The following RFTN1 variants were observed in gnomAD, a reference collection of about 807,000 sequenced individuals.
RFTN1 encodes raftlin.
In RFTN1, 26 loss-of-function variants were observed where a neutral mutation model predicts 46.5. That is an observed-to-expected ratio of 0.56 (90% CI 0.41 to 0.78). The LOEUF is 0.78. Among genes scored for constraint, RFTN1 ranks in the 30% least tolerant of loss-of-function variants. RFTN1 has a pLI of 0.00. For missense variants in RFTN1, 693 were observed against 718.7 expected (o/e 0.96, Z 0.41); for synonymous variants, 261 against 284.2 (o/e 0.92, Z 0.82).
Position 16,351,867 on chromosome 3 carries a change from G to T in RFTN1, c.1146+6065C>A, listed in dbSNP as rs1014333855. Reference sequence around the variant, plus strand: ...GAATTAGGGGTGTGTTGGGTGAGGGGACTAGAAAGACTAGAAAAAAAAATC... The same window carrying T: ...GAATTAGGGGTGTGTTGGGTGAGGGTACTAGAAAGACTAGAAAAAAAAATC... On this transcript the variant is annotated intron_variant, in intron 7 of 9. Coordinates refer to ENST00000334133, the MANE Select transcript of RFTN1 (RefSeq NM_015150.2). This position sits in a 1 kb window ranked among gnomAD's most constrained non-coding sequence, Gnocchi z 5.4. 1.3e-5 allele frequency among the ~76,000 whole-genome samples: 2 copies of T among 151,620 alleles called. No homozygotes were observed. The highest frequency in any genetic ancestry group is 4.9e-5 in the African/African-American group (2 of 40,954).
At chr3:16,488,056 C>A (rs901574654) in intron 2 of RFTN1, among the ~76,000 whole-genome samples, 1 of 151,196 alleles carries the variant, frequency 6.6e-6, no homozygotes. Flanking sequence ...CAGCACTGAG[C>A]TTTAAGCAAG....
intron 7 of RFTN1, chr3:16,347,480 A>C (rs1193019693): frequency 6.6e-6 from 1 of 152,240 alleles, no homozygotes; most frequent in South Asian, 2.1e-4. Flanking sequence ...TTCCAGCACT[A>C]GTGGCTGCTG....
At position 16,382,518 on chromosome 3, in the gene RFTN1, C is replaced by T. The variant is rs1022075521; in HGVS notation, c.442-4416G>A. 1.3e-5 allele frequency among the ~76,000 whole-genome samples: 2 copies of T among 152,204 alleles called. No homozygotes were observed. Among genetic ancestry groups the T allele is most frequent in the African/African-American group, 4.8e-5 (2 of 41,446 alleles). On this transcript the variant is annotated intron_variant, in intron 4 of 9. Coordinates refer to ENST00000334133, the MANE Select transcript of RFTN1 (RefSeq NM_015150.2). This position sits in a 1 kb window ranked among gnomAD's most constrained non-coding sequence, Gnocchi z 4.7. ...GCTGCCAGCTCTCCTCCACTCTACA[C>T]TCCCCTTGGTGACTTCCTCTACTCA...
intron 5 of RFTN1, among the ~76,000 whole-genome samples, chr3:16,371,254 G>C (rs1358887278): frequency 5.3e-5 from 8 of 152,198 alleles, no homozygotes; most frequent in Non-Finnish European, 1.2e-4. Context: ...ACATTAGCAA[G>C]AAGGACAAAG....
chr3:16,333,676 A>G (rs1306024341), intron 7 of RFTN1, among the ~76,000 whole-genome samples: 1 of 152,152 alleles, frequency 6.6e-6, no homozygotes, highest in Admixed American at 6.5e-5. Context: ...AACTCATATG[A>G]TATAAAAGAC....
At chr3:16,358,893 G>A (rs1018657572) in intron 6 of RFTN1, among the ~76,000 whole-genome samples, 11 of 151,870 alleles carry the variant, frequency 7.2e-5, no homozygotes, top group African/African-American at 1.7e-4. Context: ...TTAGCTGGGC[G>A]TGGCAGGGTA....
chr3:16,353,025 T>C lies in RFTN1; in HGVS notation c.1146+4907A>G, dbSNP rs1246008615. On this transcript the variant is annotated intron_variant, in intron 7 of 9. Coordinates refer to ENST00000334133, the MANE Select transcript of RFTN1 (RefSeq NM_015150.2). This position sits in a 1 kb window ranked among gnomAD's most constrained non-coding sequence, Gnocchi z 5.4. ...TTGGAATGGCACATCTACACAGAGC[T>C]GAGGGATCAGCACAGGAGGAGGAAA... 1.3e-5 allele frequency among the ~76,000 whole-genome samples: 2 copies of C among 151,778 alleles called. No individual in the cohort carries two copies. The highest frequency in any genetic ancestry group is 2.9e-5 in the Non-Finnish European group (2 of 67,958).
intron 2 of RFTN1, among the ~76,000 whole-genome samples, chr3:16,436,912 A>G (rs2075527701): frequency 6.6e-6 from 1 of 152,182 alleles, no homozygotes; most frequent in Non-Finnish European, 1.5e-5. Flanking sequence ...TTTCTAAATG[A>G]TCTTTAAAAA....
chr3:16,492,874 A>T (rs2076561354), intron 2 of RFTN1, among the ~76,000 whole-genome samples: 1 of 152,226 alleles, frequency 6.6e-6, no homozygotes, highest in Non-Finnish European at 1.5e-5. Context: ...CTCTGCACAC[A>T]GCAGGTGCTC....
intron 7 of RFTN1, chr3:16,350,187 A>G (rs2125316418): frequency 6.6e-6 from 1 of 152,328 alleles, no homozygotes. Context: ...AATTCCTTCC[A>G]TGTCAGCTTA....
In RFTN1 at chr3:16,447,108, A is replaced by C. The variant is rs2075746293; in HGVS notation, c.146-13071T>G. Reference sequence around the variant, plus strand: ...CACACCAGCAAATTCCTATCAGTGGATTCTCCTTTTCCTCACTGTAGTGTA... The same window carrying C: ...CACACCAGCAAATTCCTATCAGTGGCTTCTCCTTTTCCTCACTGTAGTGTA... On this transcript the variant is annotated intron_variant, in intron 2 of 9. Coordinates refer to ENST00000334133, the MANE Select transcript of RFTN1 (RefSeq NM_015150.2). The surrounding 1 kb of genome is among the most constrained non-coding windows in gnomAD (Gnocchi z 5.9). Among the ~76,000 whole-genome samples the C allele has an allele frequency of 6.6e-6, 1 of 152,194 alleles. No homozygotes were observed. Among genetic ancestry groups the C allele is most frequent in the South Asian group, 2.1e-4 (1 of 4,832 alleles).
At chr3:16,354,699 G>A (rs1037520360) in intron 7 of RFTN1, among the ~76,000 whole-genome samples, 1 of 152,240 alleles carries the variant, frequency 6.6e-6, no homozygotes, top group Non-Finnish European at 1.5e-5. Context: ...TCTCATTCTT[G>A]ACAACGAAGC....
At chr3:16,350,073 G>A (rs1260838755) in intron 7 of RFTN1, 3 of 152,180 alleles carry the variant, frequency 2.0e-5, no homozygotes, top group Admixed American at 2.0e-4. Flanking sequence ...ATCTAGATTG[G>A]TGTTTGATCA....
intron 6 of RFTN1, among the ~76,000 whole-genome samples, chr3:16,363,934 T>C (rs370311889): frequency 3.0e-4 from 46 of 152,344 alleles, no homozygotes; most frequent in African/African-American, 1.1e-3. Flanking sequence ...TGTGATCCCA[T>C]GGCAAATGTA....
intron 4 of RFTN1, among the ~76,000 whole-genome samples, chr3:16,403,813 T>A (rs1229828253): frequency 1.7e-4 from 2 of 12,068 alleles, no homozygotes; most frequent in African/African-American, 1.1e-3. Context: ...TATTATATAT[T>A]TTATATTATA....
chr3:16,438,735 C>T (rs912349162), intron 2 of RFTN1, among the ~76,000 whole-genome samples: 13 of 151,866 alleles, frequency 8.6e-5, no homozygotes, highest in African/African-American at 2.9e-4. Context: ...TCCATCATAG[C>T]GTCATTGTGA....
rs866799088 is a variant in RFTN1 at position 16,422,345 on chromosome 3, C to A, written c.332+11506G>T. ...ATCAAGATCCTAAAAAAGAATAGTG[C>A]CCTGGCCGGGTGTGGTGGCTCACGC... On this transcript the variant is annotated intron_variant, in intron 3 of 9. Transcript: ENST00000334133. The surrounding 1 kb of genome is among the most constrained non-coding windows in gnomAD (Gnocchi z 4.6). 6.6e-6 allele frequency among the ~76,000 whole-genome samples: 1 copy of A among 151,944 alleles called. No individual in the cohort carries two copies. Among genetic ancestry groups the A allele is most frequent in the East Asian group, 1.9e-4 (1 of 5,190 alleles).
Position 16,345,980 on chromosome 3 carries a change from A to G in RFTN1, c.1146+11952T>C, listed in dbSNP as rs1347593737. 6.6e-6 allele frequency: 1 copy of G among 152,088 alleles called. No individual in the cohort carries two copies. The highest frequency in any genetic ancestry group is 1.5e-5 in the Non-Finnish European group (1 of 68,018). 9.4% of individuals were successfully genotyped at this position (152,088 alleles called of 1,614,324 possible). A position where few individuals can be genotyped will look rare whatever the true frequency, so the allele number is the denominator to read the frequency against. On this transcript the variant is annotated intron_variant, in intron 7 of 9. Transcript: ENST00000334133. The surrounding 1 kb of genome is among the most constrained non-coding windows in gnomAD (Gnocchi z 5.2). The stretch of plus-strand genomic sequence containing the variant: ...GTCACAGGATTTTGAAAACGTGATC[A>G]TTTGTTTCATCCTCTCTTCCTCTGC...
chr3:16,362,586 G>T (rs1052297819), intron 6 of RFTN1, among the ~76,000 whole-genome samples: 4 of 152,094 alleles, frequency 2.6e-5, no homozygotes, highest in Non-Finnish European at 4.4e-5. Flanking sequence ...GCATGCTTGA[G>T]ACCAGAAGAC....
Sources: gnomAD v4.1 joint callset for allele counts (sites outside exome capture counted in the v4.1 genomes callset) on GRCh38, gnomAD v4.1.1 for gene constraint, Gnocchi (gnomAD v3.1) non-coding constraint, MANE v1.5 for transcripts, NCBI Gene and HGNC (gene_info 2026-07-23, HGNC 2026-07-21) for gene names.